The following FAHD2A variants were observed in gnomAD, a reference collection of about 807,000 sequenced individuals.
FAHD2A encodes fumarylacetoacetate hydrolase domain containing 2A, also known as oxaloacetate tautomerase FAHD2A, mitochondrial.
In FAHD2A, 27 loss-of-function variants were observed where a neutral mutation model predicts 33.4. The ratio of observed to expected loss-of-function variants is 0.81; its 90% CI spans 0.60 to 1.11. FAHD2A has a LOEUF of 1.11. FAHD2A is among the 50% of genes most tolerant of loss of function. The pLI is 0.00. For synonymous variants in FAHD2A, 130 were observed against 153.3 expected (o/e 0.85, Z 1.12); for missense variants, 296 against 395.0 (o/e 0.75, Z 2.12).
downstream of FAHD2A, among the ~76,000 whole-genome samples, chr2:95,417,653 A>C (rs1446277875): frequency 6.6e-6 from 1 of 152,090 alleles, no homozygotes; most frequent in Admixed American, 6.5e-5. Flanking sequence ...TCTATTTCAC[A>C]TGCTGCTGAA....
In FAHD2A at chr2:95,412,443, A is replaced by G. The variant is rs1052067773; in HGVS notation, c.695A>G (p.Asn232Ser). 2.5e-6 allele frequency: 4 copies of G among 1,613,864 alleles called. No individual in the cohort carries two copies. The highest frequency in any genetic ancestry group is 3.4e-6 in the Non-Finnish European group (4 of 1,179,850). Reference protein sequence around the residue: ...VTKDSVADPHNLKICCRVNGE... With the variant: ...VTKDSVADPHSLKICCRVNGE... ...CATCTTTGCATTTCAGATCCACACAACTTAAAGATCTGCTGCCGAGTGAAT... is the reference window on the plus strand; with the variant it reads ...CATCTTTGCATTTCAGATCCACACAGCTTAAAGATCTGCTGCCGAGTGAAT... The change falls in exon 6 of 8, where the codon AAC becomes AGC. Residue 232 changes from asparagine (N) to serine (S), a missense_variant. Coordinates refer to ENST00000233379, the MANE Select transcript of FAHD2A (RefSeq NM_016044.3).
At chr2:95,417,967 T>G (rs1286653541), downstream of FAHD2A, among the ~76,000 whole-genome samples, 1 of 152,114 alleles carries the variant, frequency 6.6e-6, no homozygotes, top group Non-Finnish European at 1.5e-5. Flanking sequence ...CTAAGTTGTC[T>G]GCATATGTAT....
chr2:95,416,623 G>A (rs1322978621), downstream of FAHD2A: 1 of 152,232 alleles, frequency 6.6e-6, no homozygotes, highest in Admixed American at 6.5e-5. Flanking sequence ...TTCACTCCTG[G>A]TCTGGCTTGC....
intron 2 of FAHD2A, 140 bp downstream of exon 2, chr2:95,405,943 A>G (rs1681471581): frequency 1.7e-6 from 2 of 1,204,628 alleles, no homozygotes; most frequent in South Asian, 1.7e-5. Context: ...CCGTTCTCTT[A>G]AAAGATCCTT....
At chr2:95,412,403 A>G (rs753118756) in intron 5 of FAHD2A, 31 bp from the exon 6 acceptor site, 1 of 1,612,796 alleles carries the variant, frequency 6.2e-7, no homozygotes, top group Non-Finnish European at 8.5e-7. Context: ...GGGAAAAGGG[A>G]TAACTCCAAG....
chr2:95,411,192 A>G (rs1682440768), intron 5 of FAHD2A, among the ~76,000 whole-genome samples, 166 bp downstream of exon 5: 1 of 152,182 alleles, frequency 6.6e-6, no homozygotes. Context: ...GAGTTCTCCC[A>G]TGGGCTTCCT....
rs774886709 is a variant in FAHD2A at position 95,412,705 on chromosome 2, A to G, written c.823A>G (p.Ile275Val). 4.7e-5 allele frequency: 76 copies of G among 1,613,988 alleles called. 1 individual carries two copies. The Middle Eastern group carries it at 9.9e-4, about 21-fold the overall frequency. ...TGTTACCTTTTACCCAGGGGATGTC[A>G]TCCTAACTGGGACCCCCCCAGGTGT... ...QFVTFYPGDV[I>V]LTGTPPGVGV... Residue 275 changes from isoleucine to valine, a missense_variant, in exon 7 of 8, where the codon ATC becomes GTC. Ile to Val is a conservative substitution (Grantham distance 29, BLOSUM62 3). Transcript: ENST00000233379.
intron 3 of FAHD2A, among the ~76,000 whole-genome samples, chr2:95,407,838 T>C (rs1323711258): frequency 6.6e-6 from 1 of 152,240 alleles, no homozygotes; most frequent in African/African-American, 2.4e-5. Context: ...CCACCAGTAG[T>C]GTATATACCC....
rs771963886 is a variant in FAHD2A, at chr2:95,412,561, C to G, written c.794+19C>G. On this transcript the variant is annotated intron_variant, in intron 6 of 7. Coordinates refer to ENST00000233379, the MANE Select transcript of FAHD2A (RefSeq NM_016044.3). ...TCTCCCAGTGAGTGACAGGGGCTGT[C>G]CTGCCAGCCCCGCTTCACCTGCCAC... The G allele has an allele frequency of 8.7e-6, 14 of 1,613,650 alleles. No individual in the cohort carries two copies. In the South Asian group the frequency reaches 1.4e-4, roughly 16 times the overall value.
At position 95,413,798 on chromosome 2, in the gene FAHD2A, C is replaced by T. The variant is rs1442788145; in HGVS notation, c.*841C>T. On this transcript the variant is annotated 3_prime_UTR_variant, in exon 8 of 8. Transcript: ENST00000233379. ...AACCATCCCACCTTCTCCAACCCAT[C>T]ACCACGTCTATTGCTGGAAGACACC... 1.4e-6 allele frequency: 1 copy of T among 712,218 alleles called. No individual in the cohort carries two copies. The highest frequency in any genetic ancestry group is 1.8e-5 in the African/African-American group (1 of 56,334). 44.1% of individuals were successfully genotyped at this position (712,218 alleles called of 1,614,324 possible). A position where few individuals can be genotyped will look rare whatever the true frequency, so the allele number is the denominator to read the frequency against.
chr2:95,405,906 C>T lies in FAHD2A; in HGVS notation c.245+103C>T, dbSNP rs1681463479. ...AGCAGGTAGCTCTTTTGCAAGGGAG[C>T]AGAGTAACCCCACCTTTCCTTTTCT... On this transcript the variant is annotated intron_variant, in intron 2 of 7. Transcript: ENST00000233379. 2.3e-6 allele frequency: 3 copies of T among 1,290,110 alleles called. No homozygotes were observed. In the South Asian group the frequency reaches 4.7e-5, roughly 20 times the overall value. The allele number at this position is 1,290,110 out of a possible 1,614,324, so 79.9% of individuals were successfully genotyped here.
intron 5 of FAHD2A, among the ~76,000 whole-genome samples, chr2:95,412,034 G>T (rs896275808): frequency 6.6e-5 from 10 of 152,238 alleles, no homozygotes; most frequent in African/African-American, 2.2e-4. Context: ...ATCAGTTCTC[G>T]CCTGCCTTGG....
Position 95,410,986 on chromosome 2 carries a change from C to T in FAHD2A, c.645C>T (p.Cys215=). 1 of 1,614,016 alleles carries T rather than the reference C, an allele frequency of 6.2e-7. No homozygotes were observed. The highest frequency in any genetic ancestry group is 1.1e-5 in the South Asian group (1 of 91,080). ...WLLGKTFDTF[C]PLGPALVTKD... ...TGGGAAAAACCTTCGACACCTTCTG[C>T]CCTCTGGGCCCTGCCTTGGTGACCA... Residue 215 remains cysteine, a synonymous_variant, in exon 5 of 8, where the codon TGC becomes TGT. Transcript: ENST00000233379.
downstream of FAHD2A, among the ~76,000 whole-genome samples, chr2:95,416,873 C>T (rs1188136956): frequency 6.6e-6 from 1 of 152,254 alleles, no homozygotes; most frequent in African/African-American, 2.4e-5. Context: ...TTTCCCTCGT[C>T]TCTCTGCTGA....
At chr2:95,409,327 T>G (rs1029937392) in intron 3 of FAHD2A, among the ~76,000 whole-genome samples, 2 of 152,162 alleles carry the variant, frequency 1.3e-5, no homozygotes, top group Admixed American at 1.3e-4. Flanking sequence ...TGACCTTTTT[T>G]TTTTTTGAGA....
rs1683138746 is a variant in FAHD2A at position 95,416,053 on chromosome 2, C to G, written c.*3096C>G. ...GGAAATGGCGAGGTGCAGGTGGCCGCTGGGCCCTGCTGTTCTACATGGGAG... is the reference window on the plus strand; with the variant it reads ...GGAAATGGCGAGGTGCAGGTGGCCGGTGGGCCCTGCTGTTCTACATGGGAG... On this transcript the variant is annotated 3_prime_UTR_variant, in exon 8 of 8. Coordinates refer to ENST00000233379, the MANE Select transcript of FAHD2A (RefSeq NM_016044.3). The G allele has an allele frequency of 6.6e-6, 1 of 152,210 alleles. No individual in the cohort carries two copies. The highest frequency in any genetic ancestry group is 1.5e-5 in the Non-Finnish European group (1 of 68,048). The allele number at this position is 152,210 out of a possible 1,614,324, so 9.4% of individuals were successfully genotyped here.
Position 95,412,941 on chromosome 2 carries a change from TCAA to T in FAHD2A, c.933_935del (p.Asn311del), listed in dbSNP as rs1166080308. 1 of 1,614,014 alleles carries T rather than the reference TCAA, an allele frequency of 6.2e-7. No homozygotes were observed. The highest frequency in any genetic ancestry group is 8.5e-7 in the Non-Finnish European group (1 of 1,180,032). The stretch of plus-strand genomic sequence containing the variant: ...GAGATTGAAGAACTAGGTGTCATCA[TCAA>T]CAAGGTGGTGTGATGGCTCCTGCAC... On this transcript the variant is annotated inframe_deletion, in exon 8 of 8. Transcript: ENST00000233379.
chr2:95,413,183 T>G lies in FAHD2A; in HGVS notation c.*226T>G, dbSNP rs1682811711. 9.6e-7 allele frequency: 1 copy of G among 1,041,114 alleles called. No individual in the cohort carries two copies. The highest frequency in any genetic ancestry group is 1.7e-5 in the South Asian group (1 of 59,174). 64.5% of individuals were successfully genotyped at this position (1,041,114 alleles called of 1,614,324 possible). A position where few individuals can be genotyped will look rare whatever the true frequency, so the allele number is the denominator to read the frequency against. ...TTGGGCTTTGTTTCATGGGACAAGTTGGGGCATTTTGTGGGACTGGGGAAG... is the reference window on the plus strand; with the variant it reads ...TTGGGCTTTGTTTCATGGGACAAGTGGGGGCATTTTGTGGGACTGGGGAAG... On this transcript the variant is annotated 3_prime_UTR_variant, in exon 8 of 8. Coordinates refer to ENST00000233379, the MANE Select transcript of FAHD2A (RefSeq NM_016044.3).
intron 1 of FAHD2A, among the ~76,000 whole-genome samples, chr2:95,404,445 C>G (rs1351258647): frequency 6.6e-6 from 1 of 152,108 alleles, no homozygotes; most frequent in Non-Finnish European, 1.5e-5. Flanking sequence ...AGGTGGCTGC[C>G]ACCACACTCG....
Sources: gnomAD v4.1 joint callset for allele counts (sites outside exome capture counted in the v4.1 genomes callset) on GRCh38, gnomAD v4.1.1 for gene constraint, MANE v1.5 for transcripts, NCBI Gene and HGNC (gene_info 2026-07-23, HGNC 2026-07-21) for gene names.